Variants in POLR3H observed in about 807,000 individuals in gnomAD.
POLR3H encodes DNA-directed RNA polymerase III subunit RPC8.
POLR3H carries 17 observed loss-of-function variants against 25.5 expected under a neutral mutation model. The ratio of observed to expected loss-of-function variants is 0.67; its 90% CI spans 0.46 to 1.00. The LOEUF (loss-of-function observed/expected upper bound fraction) is 1.00, where lower values mean the gene tolerates loss of function less well. Ranked by LOEUF, POLR3H falls within the 50% of genes least tolerant of loss-of-function variation. The probability of loss-of-function intolerance (pLI) is 0.00; values close to 1 mark genes in which losing one functional copy is unlikely to be tolerated. For synonymous variants in POLR3H, 129 were observed against 103.0 expected (o/e 1.25, Z -1.53); for missense variants, 274 against 265.0 (o/e 1.03, Z -0.24).
At chr22:41,542,790 G>C (rs985240237) in intron 1 of POLR3H, among the ~76,000 whole-genome samples, 4 of 152,046 alleles carry the variant, frequency 2.6e-5, no homozygotes, top group Non-Finnish European at 5.9e-5. Context: ...ATCACCTGAG[G>C]TCAGAAGTTT....
intron 2 of POLR3H, 71 bp downstream of exon 2, chr22:41,540,628 T>C: frequency 1.7e-6 from 2 of 1,179,640 alleles, no homozygotes; most frequent in Non-Finnish European, 2.6e-6. Context: ...GAACCTGGAT[T>C]TGGCTTGACC....
chr22:41,543,429 C>G (rs764310917), intron 1 of POLR3H, among the ~76,000 whole-genome samples: 1 of 152,062 alleles, frequency 6.6e-6, no homozygotes, highest in African/African-American at 2.4e-5. Context: ...ACCATCCTGG[C>G]CAAAATGGTG....
At chr22:41,533,672 C>T (rs768930802) in intron 2 of POLR3H, 41 of 1,303,944 alleles carry the variant, frequency 3.1e-5, no homozygotes, top group East Asian at 1.1e-4. Flanking sequence ...GAGAGGCAGC[C>T]GATGGACCTC....
At position 41,528,425 on chromosome 22, in the gene POLR3H, G is replaced by T; in HGVS notation, c.*858C>A. 6.3e-7 allele frequency: 1 copy of T among 1,594,346 alleles called. No homozygotes were observed. The highest frequency in any genetic ancestry group is 8.5e-7 in the Non-Finnish European group (1 of 1,171,298). The stretch of plus-strand genomic sequence containing the variant: ...CCTGTCTCCCTGACCCCCCTGCGGG[G>T]CCAAGGGCACACAGTACCCACCACT... On this transcript the variant is annotated 3_prime_UTR_variant, in exon 6 of 6. Transcript: ENST00000355209.
At chr22:41,533,513 T>C (rs764828205) in intron 2 of POLR3H, 287 of 1,220,612 alleles carry the variant, frequency 2.4e-4, no homozygotes, top group Non-Finnish European at 2.5e-4. Context: ...CTGGTCTTTC[T>C]GTACCCACCA....
intron 2 of POLR3H, chr22:41,539,816 A>G (rs937241982): frequency 3.3e-5 from 5 of 152,890 alleles, no homozygotes; most frequent in Admixed American, 3.3e-4. Flanking sequence ...AACCTTCAGA[A>G]TGTGAGACCG....
At chr22:41,531,048 CCAAA>C in intron 4 of POLR3H, among the ~76,000 whole-genome samples, 160 bp from the exon 5 acceptor site, 1 of 152,280 alleles carries the variant, frequency 6.6e-6, no homozygotes, top group South Asian at 2.1e-4. Flanking sequence ...AAGGCCTGGG[CCAAA>C]CAGAGAGGAA....
intron 2 of POLR3H, among the ~76,000 whole-genome samples, chr22:41,537,988 TAC>T (rs1170963531): frequency 6.7e-6 from 1 of 148,162 alleles, no homozygotes; most frequent in Non-Finnish European, 1.5e-5. Context: ...TTTTTTGAGA[TAC>T]AGTCTCACCC....
chr22:41,526,557 G>C lies in POLR3H; in HGVS notation c.*2726C>G. 1.2e-5 allele frequency: 16 copies of C among 1,328,698 alleles called. No homozygotes were observed. The highest frequency in any genetic ancestry group is 1.6e-5 in the Non-Finnish European group (16 of 978,118). 82.3% of individuals were successfully genotyped at this position (1,328,698 alleles called of 1,614,324 possible). On this transcript the variant is annotated 3_prime_UTR_variant, in exon 6 of 6. Coordinates refer to ENST00000355209, the MANE Select transcript of POLR3H (RefSeq NM_001018050.4). ...GGGAGTGGAAACTGGGAAGGAGGCC[G>C]ACCAAGCCCAAAGGGGACTGCTGTG...
rs755841786 is a variant in POLR3H at position 41,527,869 on chromosome 22, C to T, written c.*1414G>A. Reference sequence around the variant, plus strand: ...AATGAAGCTCTCCAGGCTAGTCAGGCCCCCGATGACCGAATGCCGCCTGCT... The same window carrying T: ...AATGAAGCTCTCCAGGCTAGTCAGGTCCCCGATGACCGAATGCCGCCTGCT... On this transcript the variant is annotated 3_prime_UTR_variant, in exon 6 of 6. Coordinates refer to ENST00000355209, the MANE Select transcript of POLR3H (RefSeq NM_001018050.4). 5 of 1,613,780 alleles carry T rather than the reference C, an allele frequency of 3.1e-6. 1 individual carries two copies. The highest frequency in any genetic ancestry group is 1.3e-5 in the African/African-American group (1 of 74,920).
chr22:41,527,212 G>A lies in POLR3H; in HGVS notation c.*2071C>T, dbSNP rs2066618538. The A allele has an allele frequency of 6.8e-6, 11 of 1,607,876 alleles. No homozygotes were observed. Among genetic ancestry groups the A allele is most frequent in the Non-Finnish European group, 8.5e-7 (1 of 1,176,108 alleles). On this transcript the variant is annotated 3_prime_UTR_variant, in exon 6 of 6. Transcript: ENST00000355209. ...GATGCCCAGGCGCCAGGTGGGTGAGGCCAGGCAGGTAGGGCCAGACAGGTG... is the reference window on the plus strand; with the variant it reads ...GATGCCCAGGCGCCAGGTGGGTGAGACCAGGCAGGTAGGGCCAGACAGGTG...
Position 41,531,990 on chromosome 22 carries a change from T to C in POLR3H, c.359+104A>G, listed in dbSNP as rs908919661. 46 of 979,002 alleles carry C rather than the reference T, an allele frequency of 4.7e-5. No homozygotes were observed. The African/African-American group carries it at 6.1e-4, about 13-fold the overall frequency. 60.6% of individuals were successfully genotyped at this position (979,002 alleles called of 1,614,324 possible). On this transcript the variant is annotated intron_variant, in intron 4 of 5. Transcript: ENST00000355209. ...GGCGAGGGGCAGGCACAGAGGCCAGTGACATCAGGTTACAGGCCCCAAAGG... is the reference window on the plus strand; with the variant it reads ...GGCGAGGGGCAGGCACAGAGGCCAGCGACATCAGGTTACAGGCCCCAAAGG...
chr22:41,531,223 C>T lies in POLR3H; in HGVS notation c.360-335G>A, dbSNP rs74972231. Among the ~76,000 whole-genome samples the T allele has an allele frequency of 6.5e-3, 991 of 152,342 alleles. 10 individuals are homozygous for T. The highest frequency in any genetic ancestry group is 8.2e-3 in the African/African-American group (342 of 41,578). On this transcript the variant is annotated intron_variant, in intron 4 of 5. Transcript: ENST00000355209. ...CAAGAGCAACCTGGGCCTCCTGCCA[C>T]GGAGCCCCACACACCCTTTTCATCA...
Position 41,525,956 on chromosome 22 carries a change from C to T in POLR3H, c.*3327G>A, listed in dbSNP as rs1043396690. The T allele has an allele frequency of 3.2e-6, 1 of 313,524 alleles. No individual in the cohort carries two copies. Among genetic ancestry groups the T allele is most frequent in the South Asian group, 6.9e-5 (1 of 14,522 alleles). The allele number at this position is 313,524 out of a possible 1,614,324, so 19.4% of individuals were successfully genotyped here. A position where few individuals can be genotyped will look rare whatever the true frequency, so the allele number is the denominator to read the frequency against. Reference sequence around the variant, plus strand: ...CCTGTGTCCAGCATGAGGTCTGTGGCTGATCTTGCAGCTGAGGCCTGAAGG... The same window carrying T: ...CCTGTGTCCAGCATGAGGTCTGTGGTTGATCTTGCAGCTGAGGCCTGAAGG... On this transcript the variant is annotated 3_prime_UTR_variant, in exon 6 of 6. Coordinates refer to ENST00000355209, the MANE Select transcript of POLR3H (RefSeq NM_001018050.4).
intron 2 of POLR3H, 75 bp downstream of exon 2, chr22:41,540,623 TG>T (rs773238443): frequency 1.8e-6 from 2 of 1,140,766 alleles, no homozygotes; most frequent in Non-Finnish European, 2.7e-6. Context: ...CCACTGAACC[TG>T]GATTTGGCTT....
At chr22:41,529,653 C>T (rs374081587) in intron 5 of POLR3H, 5 of 656,166 alleles carry the variant, frequency 7.6e-6, no homozygotes, top group East Asian at 3.2e-5. Flanking sequence ...GCCCATGCTC[C>T]AGACGCATCC....
intron 3 of POLR3H, 113 bp downstream of exon 3, chr22:41,532,546 G>C (rs1204829975): frequency 6.3e-7 from 1 of 1,575,594 alleles, no homozygotes; most frequent in Non-Finnish European, 8.6e-7. Context: ...CTGACACCAC[G>C]GGGAAGGTTC....
intron 1 of POLR3H, among the ~76,000 whole-genome samples, chr22:41,543,113 G>C (rs2066955386): frequency 6.6e-6 from 1 of 152,130 alleles, no homozygotes; most frequent in Non-Finnish European, 1.5e-5. Flanking sequence ...CTGCTCTCAA[G>C]GAGAGGGAAA....
chr22:41,528,423 G>A lies in POLR3H; in HGVS notation c.*860C>T. The A allele has an allele frequency of 6.3e-7, 1 of 1,591,528 alleles. No individual in the cohort carries two copies. Among genetic ancestry groups the A allele is most frequent in the Non-Finnish European group, 8.5e-7 (1 of 1,169,944 alleles). ...GCCCTGTCTCCCTGACCCCCCTGCG[G>A]GGCCAAGGGCACACAGTACCCACCA... On this transcript the variant is annotated 3_prime_UTR_variant, in exon 6 of 6. Coordinates refer to ENST00000355209, the MANE Select transcript of POLR3H (RefSeq NM_001018050.4).
Sources: allele counts gnomAD v4.1 joint callset (sites outside exome capture counted in the v4.1 genomes callset), GRCh38; gene constraint gnomAD v4.1.1; transcripts MANE v1.5; gene names NCBI Gene and HGNC (gene_info 2026-07-23, HGNC 2026-07-21).